KLRG1: variants seen among roughly 807,000 people sequenced by gnomAD.
KLRG1 encodes killer cell lectin-like receptor subfamily G member 1.
KLRG1 carries 16 observed loss-of-function variants against 21.8 expected under a neutral mutation model. The observed-to-expected ratio is 0.73, with a 90% confidence interval of 0.50 to 1.11. The LOEUF (loss-of-function observed/expected upper bound fraction) is 1.11. Ranked by LOEUF, KLRG1 falls within the 50% of genes most tolerant of loss-of-function variation. The probability of loss-of-function intolerance (pLI) is 0.00; values close to 1 mark genes in which losing one functional copy is unlikely to be tolerated. For missense variants in KLRG1, 173 were observed against 218.3 expected (o/e 0.79, Z 1.31); for synonymous variants, 69 against 75.9 (o/e 0.91, Z 0.47).
chr12:9,000,524 T>G (rs1947274253), intron 3 of KLRG1, among the ~76,000 whole-genome samples: 1 of 152,206 alleles, frequency 6.6e-6, no homozygotes, highest in African/African-American at 2.4e-5. Flanking sequence ...CAGAACTTTT[T>G]CATCATCCCC....
chr12:9,012,869 C>T (rs138243524), downstream of KLRG1, among the ~76,000 whole-genome samples: 116 of 152,186 alleles, frequency 7.6e-4, no homozygotes, highest in Non-Finnish European at 1.4e-3. Flanking sequence ...TAGTGATAGC[C>T]AGGTAGTGGT....
chr12:9,184,400 C>T, the KLRG1 span, among the ~76,000 whole-genome samples: 16 of 152,328 alleles, frequency 1.1e-4, no homozygotes, highest in South Asian at 8.3e-4. Flanking sequence ...CCCACCAGTG[C>T]CCCACCCCCA....
chr12:9,131,050 C>T, the KLRG1 span, among the ~76,000 whole-genome samples: 1 of 152,168 alleles, frequency 6.6e-6, no homozygotes, highest in Non-Finnish European at 1.5e-5. Context: ...ATCATTTTCT[C>T]AATGAGTGGT....
chr12:9,051,659 A>C, the KLRG1 span, among the ~76,000 whole-genome samples: 44 of 152,292 alleles, frequency 2.9e-4, 1 homozygote, highest in East Asian at 5.2e-3. Context: ...CAACACCCCC[A>C]AAAATCCCCT....
chr12:8,979,979 C>A (rs1946728539), intron 1 of KLRG1, among the ~76,000 whole-genome samples: 1 of 152,294 alleles, frequency 6.6e-6, no homozygotes. Context: ...TGGCTCACTG[C>A]AACCTCTGCC....
At chr12:8,959,194 C>T (rs896533174) in intron 1 of KLRG1, among the ~76,000 whole-genome samples, 7 of 152,234 alleles carry the variant, frequency 4.6e-5, no homozygotes, top group South Asian at 2.1e-4. Flanking sequence ...AACAATGACC[C>T]GCCATTACTT....
chr12:9,150,686 A>G, the KLRG1 span: 1 of 1,613,006 alleles, frequency 6.2e-7, no homozygotes, highest in Non-Finnish European at 8.5e-7. Flanking sequence ...GCTGGCTTCA[A>G]GTCTCCTACT....
chr12:9,091,250 G>A, the KLRG1 span: 14 of 1,613,744 alleles, frequency 8.7e-6, no homozygotes, highest in East Asian at 1.3e-4. Context: ...GAGTGTGAAG[G>A]CCTCTCCACG....
At chr12:9,072,394 T>G in the KLRG1 span, 1 of 1,613,930 alleles carries the variant, frequency 6.2e-7, no homozygotes, top group Non-Finnish European at 8.5e-7. Context: ...TGGTGTGGGC[T>G]TTGGGTTCAT....
the KLRG1 span, among the ~76,000 whole-genome samples, chr12:9,202,005 A>G: frequency 6.6e-6 from 1 of 152,216 alleles, no homozygotes; most frequent in African/African-American, 2.4e-5. Context: ...TTTTTTAATC[A>G]TAAATTCCTT....
the KLRG1 span, among the ~76,000 whole-genome samples, chr12:9,148,464 AT>A: frequency 8.1e-3 from 1,231 of 151,982 alleles, 11 homozygotes; most frequent in South Asian, 0.013. Flanking sequence ...TCATCTCTTT[AT>A]TTTTTTAATC....
the KLRG1 span, chr12:9,155,956 C>A: frequency 6.2e-6 from 1 of 161,552 alleles, no homozygotes; most frequent in South Asian, 1.8e-4. Flanking sequence ...GCAGAGGCAG[C>A]ATGCCATATG....
At chr12:9,175,495 C>A in the KLRG1 span, among the ~76,000 whole-genome samples, 7 of 152,014 alleles carry the variant, frequency 4.6e-5, no homozygotes, top group South Asian at 2.1e-4. Flanking sequence ...TTCTGCACAG[C>A]AAAAGGAACT....
chr12:9,174,015 T>A, the KLRG1 span, among the ~76,000 whole-genome samples: 13 of 151,456 alleles, frequency 8.6e-5, no homozygotes, highest in Non-Finnish European at 1.9e-4. Flanking sequence ...CCTGGCAGAG[T>A]CACAACAAAA....
chr12:9,161,004 C>A, the KLRG1 span: 2 of 1,520,468 alleles, frequency 1.3e-6, no homozygotes, highest in East Asian at 4.5e-5. Context: ...CTCTTTTGGC[C>A]CAGGTTTACT....
intron 3 of KLRG1, among the ~76,000 whole-genome samples, chr12:8,998,055 T>C (rs1318218265): frequency 2.0e-5 from 3 of 152,174 alleles, no homozygotes; most frequent in Non-Finnish European, 4.4e-5. Context: ...TGGCTGGGCA[T>C]AGTGGCTCCT....
chr12:9,005,123 A>G (rs2137416513), intron 3 of KLRG1, among the ~76,000 whole-genome samples: 1 of 151,018 alleles, frequency 6.6e-6, no homozygotes, highest in East Asian at 2.0e-4. Context: ...CAAACACCGC[A>G]TGTTCTCACT....
intron 3 of KLRG1, among the ~76,000 whole-genome samples, chr12:8,998,837 TA>T (rs1947220903): frequency 6.6e-6 from 1 of 152,186 alleles, no homozygotes; most frequent in Non-Finnish European, 1.5e-5. Flanking sequence ...TATACATATT[TA>T]AAAATTTTTT....
chr12:9,140,317 A>C, the KLRG1 span, among the ~76,000 whole-genome samples: 6 of 152,206 alleles, frequency 3.9e-5, no homozygotes, highest in Non-Finnish European at 8.8e-5. Context: ...TCCCAAATCA[A>C]GAATCCATTT....
Sources: allele counts gnomAD v4.1 joint callset (sites outside exome capture counted in the v4.1 genomes callset), GRCh38; gene constraint gnomAD v4.1.1; transcripts MANE v1.5; gene names NCBI Gene and HGNC (gene_info 2026-07-23, HGNC 2026-07-21).